LRRC58: variants seen among roughly 807,000 people sequenced by gnomAD.
The protein encoded by LRRC58 is leucine rich repeat containing 58, also known as leucine-rich repeat-containing protein 58.
In LRRC58, 18 loss-of-function variants were observed where a neutral mutation model predicts 30.6. The ratio of observed to expected loss-of-function variants is 0.59; its 90% CI spans 0.41 to 0.87. The LOEUF is 0.87. Among genes scored for constraint, LRRC58 ranks in the 40% least tolerant of loss-of-function variants. LRRC58 has a pLI of 0.00. For synonymous variants in LRRC58, 221 were observed against 206.0 expected (o/e 1.07, Z -0.62); for missense variants, 420 against 468.4 (o/e 0.90, Z 0.95).
At position 120,348,780 on chromosome 3, in the gene LRRC58, A is replaced by G. The variant is rs1217953461; in HGVS notation, c.464T>C (p.Leu155Pro). The change falls in exon 1 of 4, where the codon CTG becomes CCG. Residue 155 changes from leucine (L) to proline (P), a missense_variant. By Grantham distance (98) the Leu-to-Pro change is moderately conservative (BLOSUM62 -3). Around this residue, in one of 2 missense-constraint regions of LRRC58, gnomAD observed 266 missense variants for 251.7 expected, o/e 1.06. Coordinates refer to ENST00000295628, the MANE Select transcript of LRRC58 (RefSeq NM_001099678.2). ...LQTLSLGGNQ[L>P]QSIPAEIENL... ...CTCGATCTCAGCCGGGATGCTCTGC[A>G]GTTGGTTGCCGCCCAGGCTCAGGGT... 1 of 1,604,984 alleles carries G rather than the reference A, an allele frequency of 6.2e-7. No homozygotes were observed. Among genetic ancestry groups the G allele is most frequent in the Non-Finnish European group, 8.5e-7 (1 of 1,176,496 alleles).
intron 1 of LRRC58, among the ~76,000 whole-genome samples, chr3:120,336,701 A>C (rs1935839021): frequency 6.6e-6 from 1 of 151,976 alleles, no homozygotes; most frequent in Admixed American, 6.6e-5. Context: ...TTCCAACAAT[A>C]GGTTAACATT....
intron 3 of LRRC58, among the ~76,000 whole-genome samples, chr3:120,333,843 A>C (rs928921947): frequency 6.6e-6 from 1 of 152,154 alleles, no homozygotes; most frequent in Non-Finnish European, 1.5e-5. Flanking sequence ...AGTCTGCCCC[A>C]TACTCTTCTG....
intron 1 of LRRC58, among the ~76,000 whole-genome samples, chr3:120,348,134 C>G (rs1290133710): frequency 6.6e-6 from 1 of 152,170 alleles, no homozygotes; most frequent in Non-Finnish European, 1.5e-5. Context: ...GGATGATAGG[C>G]GTTTGCCAGG....
intron 3 of LRRC58, among the ~76,000 whole-genome samples, chr3:120,334,131 A>G (rs1323738373): frequency 6.6e-6 from 1 of 152,228 alleles, no homozygotes; most frequent in Non-Finnish European, 1.5e-5. Context: ...TGTAACTGGC[A>G]CACATTCAGC....
At chr3:120,332,128 A>G (rs1467052488) in intron 3 of LRRC58, among the ~76,000 whole-genome samples, 1 of 152,244 alleles carries the variant, frequency 6.6e-6, no homozygotes, top group Non-Finnish European at 1.5e-5. Context: ...TCTGGATTCT[A>G]GCTGGTCCTT....
At chr3:120,335,305 GA>G (rs1935819528) in intron 2 of LRRC58, among the ~76,000 whole-genome samples, 166 bp from the exon 3 acceptor site, 1 of 152,220 alleles carries the variant, frequency 6.6e-6, no homozygotes, top group Admixed American at 6.5e-5. Flanking sequence ...TCAAAGTGCA[GA>G]TTTGTAAATG....
intron 1 of LRRC58, among the ~76,000 whole-genome samples, chr3:120,336,669 A>T (rs1392093013): frequency 6.6e-6 from 1 of 152,004 alleles, no homozygotes; most frequent in African/African-American, 2.4e-5. Context: ...ATAAAATCAA[A>T]GTTCCAGGTA....
At chr3:120,340,268 A>G (rs990338308) in intron 1 of LRRC58, among the ~76,000 whole-genome samples, 5 of 152,152 alleles carry the variant, frequency 3.3e-5, no homozygotes, top group African/African-American at 4.8e-5. Flanking sequence ...AACTCAGTAA[A>G]ATCTTTCAGC....
chr3:120,336,474 A>G (rs1000735246), intron 1 of LRRC58, among the ~76,000 whole-genome samples: 1 of 152,194 alleles, frequency 6.6e-6, no homozygotes, highest in Admixed American at 6.5e-5. Context: ...TTGTAGAGAG[A>G]CCAGATTACA....
In LRRC58 at chr3:120,335,304, A is replaced by C. The variant is rs56762117; in HGVS notation, c.630-165T>G. On this transcript the variant is annotated intron_variant, in intron 2 of 3. Transcript: ENST00000295628. ...AGGTGCTGAAACTAGATCAAAGTGC[A>C]GATTTGTAAATGTCATGAAGGACTT... Among the ~76,000 whole-genome samples, 373 of 152,378 alleles carry C rather than the reference A, an allele frequency of 2.4e-3. 1 individual carries two copies. Among genetic ancestry groups the C allele is most frequent in the African/African-American group, 8.2e-3 (343 of 41,590 alleles).
Position 120,335,139 on chromosome 3 carries a change from C to T in LRRC58, c.630G>A (p.Gln210=). The T allele has an allele frequency of 6.2e-7, 1 of 1,609,180 alleles. No homozygotes were observed. Among genetic ancestry groups the T allele is most frequent in the Non-Finnish European group, 8.5e-7 (1 of 1,176,756 alleles). The change falls in exon 3 of 4, where the codon CAG becomes CAA. Residue 210 remains glutamine, a splice_region_variant and synonymous_variant. Transcript: ENST00000295628. ...GACTTAGGGAACGAAGTGAATGTAA[C>T]CTAGAATAAATGTAGTAGAAAAATC... ...KIQSIPPQLS[Q]LHSLRSLSLH... is the part of the protein sequence containing the mutation.
At chr3:120,337,137 T>C (rs1427869228) in intron 1 of LRRC58, among the ~76,000 whole-genome samples, 2 of 152,182 alleles carry the variant, frequency 1.3e-5, no homozygotes, top group Non-Finnish European at 2.9e-5. Context: ...TTGAATTGCC[T>C]GTGAACTGGC....
intron 3 of LRRC58, among the ~76,000 whole-genome samples, chr3:120,334,509 A>AAAATAAATAAATAAAT (rs141062687): frequency 2.0e-5 from 3 of 150,992 alleles, no homozygotes. Flanking sequence ...CTCTGTCTCA[A>AAAATAAATAAATAAAT]AAATAAATAA....
At chr3:120,332,151 C>G (rs574581768) in intron 3 of LRRC58, among the ~76,000 whole-genome samples, 2 of 152,306 alleles carry the variant, frequency 1.3e-5, no homozygotes, top group South Asian at 4.1e-4. Context: ...AATGATACTG[C>G]AAATCTCTAA....
In LRRC58 at chr3:120,349,245, C is replaced by G. The variant is rs1303720686; in HGVS notation, c.-2G>C. 3.7e-6 allele frequency: 5 copies of G among 1,368,900 alleles called. No individual in the cohort carries two copies. The African/African-American group carries it at 6.1e-5, about 17-fold the overall frequency. 84.8% of individuals were successfully genotyped at this position (1,368,900 alleles called of 1,614,324 possible). A position where few individuals can be genotyped will look rare whatever the true frequency, so the allele number is the denominator to read the frequency against. ...CACCGCTGCTCCGGCCTCCTCCATC[C>G]TGGCCACCGCACGGCGCGTGGCGCC... On this transcript the variant is annotated 5_prime_UTR_variant, in exon 1 of 4. Transcript: ENST00000295628.
At chr3:120,345,823 A>G (rs937053195) in intron 1 of LRRC58, among the ~76,000 whole-genome samples, 1 of 152,252 alleles carries the variant, frequency 6.6e-6, no homozygotes, top group Non-Finnish European at 1.5e-5. Context: ...GATATCATAC[A>G]TTATTGGTGT....
chr3:120,336,437 T>C (rs974945090), intron 1 of LRRC58, among the ~76,000 whole-genome samples: 5 of 152,156 alleles, frequency 3.3e-5, no homozygotes, highest in South Asian at 2.1e-4. Flanking sequence ...TAGAAGAAAA[T>C]TCATCTTGAG....
At chr3:120,345,594 G>GTAAA (rs1055841231) in intron 1 of LRRC58, among the ~76,000 whole-genome samples, 2 of 152,214 alleles carry the variant, frequency 1.3e-5, no homozygotes, top group Non-Finnish European at 2.9e-5. Flanking sequence ...CTCGCCTCAA[G>GTAAA]TAAATCACTG....
At chr3:120,332,297 A>G (rs1433604730) in intron 3 of LRRC58, among the ~76,000 whole-genome samples, 1 of 152,258 alleles carries the variant, frequency 6.6e-6, no homozygotes, top group Non-Finnish European at 1.5e-5. Context: ...TGTTTATCAC[A>G]TAAGGGACCA....
Sources: gnomAD v4.1 joint callset for allele counts (sites outside exome capture counted in the v4.1 genomes callset) on GRCh38, gnomAD v4.1.1 for gene constraint, gnomAD v4.1.1 regional missense constraint, MANE v1.5 for transcripts, NCBI Gene and HGNC (gene_info 2026-07-23, HGNC 2026-07-21) for gene names.